Variants in LRRC4C observed in about 807,000 individuals in gnomAD.
LRRC4C encodes leucine rich repeat containing 4C, also known as leucine-rich repeat-containing protein 4C.
A neutral mutation model predicts 33.6 loss-of-function variants in LRRC4C; 5 were observed. The observed-to-expected ratio is 0.15, with a 90% CI of 0.08 to 0.31. LRRC4C has a LOEUF of 0.31. Ranked by LOEUF, LRRC4C falls within the 10% of genes least tolerant of loss-of-function variation. The pLI is 1.00. For missense variants in LRRC4C, 560 were observed against 796.7 expected, an observed-to-expected ratio of 0.70 and a Z score of 3.58; for synonymous variants, 329 against 302.0, an observed-to-expected ratio of 1.09 and a Z score of -0.93.
At chr11:41,001,109 C>G (rs1482217901) in intron 1 of LRRC4C, among the ~76,000 whole-genome samples, 1 of 151,706 alleles carries the variant, frequency 6.6e-6, no homozygotes, top group Admixed American at 6.6e-5. Context: ...AGGAGGTGCC[C>G]AATTAATATT....
intron 3 of LRRC4C, among the ~76,000 whole-genome samples, chr11:40,594,158 A>G (rs1004608702): frequency 1.3e-5 from 2 of 152,130 alleles, no homozygotes; most frequent in Non-Finnish European, 2.9e-5. Flanking sequence ...GCAATTTTCT[A>G]TGGTACACTC....
intron 1 of LRRC4C, among the ~76,000 whole-genome samples, chr11:41,215,870 C>T (rs185229686): frequency 6.6e-6 from 1 of 152,254 alleles, no homozygotes; most frequent in African/African-American, 2.4e-5. Context: ...GGGACATATG[C>T]TTAGGAGTAG....
chr11:41,416,949 A>C (rs1954705829), intron 1 of LRRC4C, among the ~76,000 whole-genome samples: 1 of 151,952 alleles, frequency 6.6e-6, no homozygotes, highest in South Asian at 2.1e-4. Flanking sequence ...TCCCAGTAGC[A>C]CACATTTCCC....
chr11:40,716,933 AG>A (rs759697021), intron 2 of LRRC4C, among the ~76,000 whole-genome samples: 2 of 152,148 alleles, frequency 1.3e-5, no homozygotes, highest in East Asian at 1.9e-4. Flanking sequence ...AGGGAATCGG[AG>A]CTGCCACACT....
intron 1 of LRRC4C, among the ~76,000 whole-genome samples, chr11:40,972,124 T>C (rs1851765668): frequency 6.6e-6 from 1 of 150,566 alleles, no homozygotes; most frequent in East Asian, 2.0e-4. Context: ...GGGGGACTGT[T>C]GGGAAGCCAT....
chr11:40,598,902 G>T (rs2135791424), intron 3 of LRRC4C, among the ~76,000 whole-genome samples: 1 of 152,292 alleles, frequency 6.6e-6, no homozygotes, highest in Non-Finnish European at 1.5e-5. Context: ...GGTGAAGTCT[G>T]CTTAGCACTG....
intron 1 of LRRC4C, among the ~76,000 whole-genome samples, chr11:41,249,314 G>A (rs377113324): frequency 1.6e-3 from 241 of 152,184 alleles, no homozygotes; most frequent in African/African-American, 5.7e-3. Flanking sequence ...GATTACAGGC[G>A]TGAGCCACCG....
intron 3 of LRRC4C, among the ~76,000 whole-genome samples, chr11:40,643,625 C>G (rs181215973): frequency 7.2e-5 from 11 of 152,276 alleles, no homozygotes; most frequent in Admixed American, 5.9e-4. Flanking sequence ...CCCAACCCCC[C>G]TGCCGTCCAC....
At chr11:40,164,928 C>A (rs893806767) in intron 5 of LRRC4C, among the ~76,000 whole-genome samples, 2 of 152,046 alleles carry the variant, frequency 1.3e-5, no homozygotes, top group African/African-American at 4.8e-5. Flanking sequence ...AATTGACATC[C>A]ATCTGGTAAC....
At chr11:40,625,003 CAG>C (rs1962795411) in intron 3 of LRRC4C, among the ~76,000 whole-genome samples, 1 of 152,052 alleles carries the variant, frequency 6.6e-6, no homozygotes, top group Non-Finnish European at 1.5e-5. Flanking sequence ...TAGCATTCAT[CAG>C]AGTCCAAAGA....
chr11:40,796,795 C>T (rs968095375), intron 2 of LRRC4C, among the ~76,000 whole-genome samples: 5 of 152,060 alleles, frequency 3.3e-5, no homozygotes, highest in South Asian at 2.1e-4. Flanking sequence ...TACAGGCATG[C>T]ACCACGATGC....
intron 3 of LRRC4C, among the ~76,000 whole-genome samples, chr11:40,618,574 A>T (rs1962109344): frequency 6.6e-6 from 1 of 151,744 alleles, no homozygotes; most frequent in Non-Finnish European, 1.5e-5. Context: ...GGGAAAACTT[A>T]CCCTAGCCCC....
chr11:40,599,993 A>T (rs1959812622), intron 3 of LRRC4C, among the ~76,000 whole-genome samples: 1 of 152,218 alleles, frequency 6.6e-6, no homozygotes, highest in African/African-American at 2.4e-5. Flanking sequence ...CATAATCTTG[A>T]TGACAAGTGA....
At chr11:41,239,673 C>A (rs1370675462) in intron 1 of LRRC4C, among the ~76,000 whole-genome samples, 1 of 152,068 alleles carries the variant, frequency 6.6e-6, no homozygotes, top group Non-Finnish European at 1.5e-5. Flanking sequence ...TTTCTCTTTT[C>A]ATTTTTAATT....
intron 3 of LRRC4C, among the ~76,000 whole-genome samples, chr11:40,631,752 T>G (rs1963498339): frequency 6.6e-6 from 1 of 152,200 alleles, no homozygotes; most frequent in South Asian, 2.1e-4. Flanking sequence ...AGTAGTTTAA[T>G]TAGTATAGAA....
At chr11:41,295,097 GAA>G (rs1257978501) in intron 1 of LRRC4C, among the ~76,000 whole-genome samples, 1 of 152,072 alleles carries the variant, frequency 6.6e-6, no homozygotes, top group Non-Finnish European at 1.5e-5. Context: ...TCTATCATGA[GAA>G]ACTAATTCAA....
intron 1 of LRRC4C, among the ~76,000 whole-genome samples, chr11:40,938,724 T>G (rs1315294399): frequency 1.3e-5 from 2 of 152,170 alleles, no homozygotes; most frequent in African/African-American, 2.4e-5. Context: ...CACTCTACCA[T>G]TCTTCTCAGA....
At chr11:40,231,099 G>GCA (rs1354978980) in intron 5 of LRRC4C, among the ~76,000 whole-genome samples, 1 of 152,130 alleles carries the variant, frequency 6.6e-6, no homozygotes, top group East Asian at 1.9e-4. Context: ...GGGCGTAGTG[G>GCA]CACATGCTTG....
intron 1 of LRRC4C, among the ~76,000 whole-genome samples, chr11:41,429,760 AAG>A (rs1955171674): frequency 6.6e-6 from 1 of 152,118 alleles, no homozygotes; most frequent in Non-Finnish European, 1.5e-5. Context: ...GTGTATTAAG[AAG>A]AGTCTCATTC....
Sources: allele counts gnomAD v4.1 joint callset (sites outside exome capture counted in the v4.1 genomes callset), GRCh38; gene constraint gnomAD v4.1.1; transcripts MANE v1.5; gene names NCBI Gene and HGNC (gene_info 2026-07-23, HGNC 2026-07-21).